Variants in NGF observed in about 807,000 individuals in gnomAD.
NGF encodes the protein nerve growth factor.
A neutral mutation model predicts 12.8 loss-of-function variants in NGF; 4 were observed. The ratio of observed to expected loss-of-function variants is 0.31; its 90% CI spans 0.15 to 0.72. The LOEUF is 0.72. Among genes scored for constraint, NGF ranks in the 30% least tolerant of loss-of-function variants. The pLI is 0.69. For synonymous variants in NGF, 140 were observed against 130.0 expected, an observed-to-expected ratio of 1.08 and a Z score of -0.52; for missense variants, 283 against 330.8, an observed-to-expected ratio of 0.86 and a Z score of 1.12.
chr1:115,323,187 T>C (rs1654677148), intron 1 of NGF, among the ~76,000 whole-genome samples: 1 of 152,166 alleles, frequency 6.6e-6, no homozygotes, highest in South Asian at 2.1e-4. Context: ...ATTTATTACC[T>C]TTCTAACTGA....
At chr1:115,323,436 T>C (rs1463876142) in intron 1 of NGF, among the ~76,000 whole-genome samples, 1 of 152,140 alleles carries the variant, frequency 6.6e-6, no homozygotes, top group African/African-American at 2.4e-5. Flanking sequence ...TCAGCAGCTC[T>C]CTAAGGAAGC....
intron 1 of NGF, among the ~76,000 whole-genome samples, chr1:115,317,179 T>C (rs1654496512): frequency 6.6e-6 from 1 of 151,990 alleles, no homozygotes; most frequent in African/African-American, 2.4e-5. Context: ...AATTTTCCAA[T>C]GTGATGGCGC....
At chr1:115,289,182 C>A (rs930521992) in intron 2 of NGF, among the ~76,000 whole-genome samples, 1 of 152,136 alleles carries the variant, frequency 6.6e-6, no homozygotes, top group South Asian at 2.1e-4. Flanking sequence ...ATTCAGTTGG[C>A]AGCAAATCTA....
chr1:115,304,964 G>A (rs1374048141), intron 1 of NGF, among the ~76,000 whole-genome samples: 1 of 152,114 alleles, frequency 6.6e-6, no homozygotes, highest in Non-Finnish European at 1.5e-5. Context: ...TTGGGTTTGT[G>A]GGAAGAAAAG....
intron 1 of NGF, among the ~76,000 whole-genome samples, chr1:115,325,836 T>C (rs536734944): frequency 6.6e-6 from 1 of 152,054 alleles, no homozygotes; most frequent in Non-Finnish European, 1.5e-5. Flanking sequence ...ATATAAAAGG[T>C]GAGAGGGAAG....
intron 2 of NGF, among the ~76,000 whole-genome samples, chr1:115,287,021 C>A (rs775559526): frequency 6.6e-6 from 1 of 152,166 alleles, no homozygotes; most frequent in Admixed American, 6.5e-5. Flanking sequence ...GATGTGTGGT[C>A]ACCCCATCCG....
intron 1 of NGF, among the ~76,000 whole-genome samples, chr1:115,322,315 T>TGGG: frequency 6.6e-6 from 1 of 152,124 alleles, no homozygotes. Flanking sequence ...GAATGTAGGG[T>TGGG]GACAGCCAGG....
chr1:115,302,768 G>A (rs1269365086), intron 1 of NGF, among the ~76,000 whole-genome samples: 1 of 152,156 alleles, frequency 6.6e-6, no homozygotes, highest in Non-Finnish European at 1.5e-5. Context: ...CCTCTGTGCC[G>A]CAGCCACCAG....
At chr1:115,303,891 A>G (rs755614034) in intron 1 of NGF, among the ~76,000 whole-genome samples, 12 of 152,134 alleles carry the variant, frequency 7.9e-5, no homozygotes, top group Non-Finnish European at 1.3e-4. Context: ...GTAGGTCCAT[A>G]TAACCTCCAA....
At chr1:115,304,764 T>C (rs887807146) in intron 1 of NGF, among the ~76,000 whole-genome samples, 3 of 152,076 alleles carry the variant, frequency 2.0e-5, no homozygotes, top group East Asian at 3.9e-4. Context: ...GTTCTGGGAG[T>C]TAAAGGCCAG....
chr1:115,292,908 A>G (rs1653747300), intron 2 of NGF, among the ~76,000 whole-genome samples: 1 of 151,666 alleles, frequency 6.6e-6, no homozygotes, highest in Non-Finnish European at 1.5e-5. Flanking sequence ...CAACCAGAAA[A>G]CACTAGCAGG....
At chr1:115,311,689 A>T (rs916109673) in intron 1 of NGF, among the ~76,000 whole-genome samples, 31 of 152,172 alleles carry the variant, frequency 2.0e-4, no homozygotes, top group African/African-American at 6.8e-4. Flanking sequence ...CACTAAATTC[A>T]CTTCCTTGTT....
chr1:115,327,214 AC>A (rs1654801798), intron 1 of NGF, among the ~76,000 whole-genome samples: 1 of 152,260 alleles, frequency 6.6e-6, no homozygotes, highest in Non-Finnish European at 1.5e-5. Flanking sequence ...TGGAAGATGA[AC>A]ATTTTGTGCA....
chr1:115,302,790 G>C (rs1303366249), intron 1 of NGF, among the ~76,000 whole-genome samples: 1 of 152,174 alleles, frequency 6.6e-6, no homozygotes, highest in Non-Finnish European at 1.5e-5. Flanking sequence ...CCTGGCTCCA[G>C]CTCTCACCTT....
At chr1:115,337,860 GC>G (rs1212448012) in intron 1 of NGF, among the ~76,000 whole-genome samples, 1 of 152,092 alleles carries the variant, frequency 6.6e-6, no homozygotes, top group Non-Finnish European at 1.5e-5. Context: ...TCCCTCACTT[GC>G]GCGTTATCCA....
At chr1:115,323,432 G>T (rs900927477) in intron 1 of NGF, among the ~76,000 whole-genome samples, 9 of 152,162 alleles carry the variant, frequency 5.9e-5, no homozygotes, top group African/African-American at 2.2e-4. Flanking sequence ...CCTGTCAGCA[G>T]CTCTCTAAGG....
intron 1 of NGF, among the ~76,000 whole-genome samples, chr1:115,325,344 C>G (rs1252014457): frequency 1.3e-5 from 2 of 152,140 alleles, no homozygotes; most frequent in South Asian, 2.1e-4. Flanking sequence ...GAACTATCAA[C>G]ATTTTGGGTC....
At chr1:115,290,386 CTTTTTTTTTTTTTTT>C (rs67332447) in intron 2 of NGF, among the ~76,000 whole-genome samples, 2,217 of 64,688 alleles carry the variant, frequency 0.034, 90 homozygotes, top group African/African-American at 0.12. Flanking sequence ...CTTCTCTCAT[CTTTTTTTTTTTTTTT>C]TTTTTTTTTT....
At chr1:115,290,833 T>C (rs944867813) in intron 2 of NGF, among the ~76,000 whole-genome samples, 1 of 152,146 alleles carries the variant, frequency 6.6e-6, no homozygotes, top group Non-Finnish European at 1.5e-5. Flanking sequence ...CTAGAACTCC[T>C]AGGTAACTCC....
Sources: allele counts gnomAD v4.1 joint callset (sites outside exome capture counted in the v4.1 genomes callset), GRCh38; gene constraint gnomAD v4.1.1; transcripts MANE v1.5; gene names NCBI Gene and HGNC (gene_info 2026-07-23, HGNC 2026-07-21).